Variants in SYBU observed in about 807,000 individuals in gnomAD.
SYBU encodes GOLSYN A protein.
A neutral mutation model predicts 35.9 loss-of-function variants in SYBU; 21 were observed. The observed-to-expected ratio is 0.58, with a 90% confidence interval of 0.41 to 0.84. The LOEUF (loss-of-function observed/expected upper bound fraction) is 0.84. SYBU is among the 40% of genes least tolerant of loss of function. SYBU has a pLI of 0.00. For synonymous variants in SYBU, 319 were observed against 324.3 expected, an observed-to-expected ratio of 0.98 and a Z score of 0.18; for missense variants, 768 against 848.2, an observed-to-expected ratio of 0.91 and a Z score of 1.17.
intron 3 of SYBU, among the ~76,000 whole-genome samples, chr8:109,587,376 AT>A (rs944794822): frequency 1.1e-4 from 17 of 152,294 alleles, no homozygotes; most frequent in Admixed American, 2.6e-4. Flanking sequence ...TAATCTCACT[AT>A]TTTACTATTG....
At position 109,578,051 on chromosome 8, in the gene SYBU, T is replaced by C. The variant is rs182204393; in HGVS notation, c.735-34A>G. On this transcript the variant is annotated intron_variant, in intron 5 of 6. Transcript: ENST00000276646. ...ATCCAAGTAATGAAATGTTACTTTT[T>C]GCCGTTTCCTTTTCTATAAAAAGAA... is the stretch of plus-strand genomic sequence containing the variant. 66 of 1,587,674 alleles carry C rather than the reference T, an allele frequency of 4.2e-5. No individual in the cohort carries two copies. In the African/African-American group the frequency reaches 7.2e-4, roughly 17 times the overall value.
chr8:109,599,644 C>G (rs1379867268), intron 3 of SYBU, among the ~76,000 whole-genome samples: 1 of 152,182 alleles, frequency 6.6e-6, no homozygotes, highest in Non-Finnish European at 1.5e-5. Flanking sequence ...CATTTCTCAC[C>G]CAGAATTACT....
intron 3 of SYBU, among the ~76,000 whole-genome samples, chr8:109,588,460 C>T (rs186378931): frequency 6.6e-6 from 1 of 152,190 alleles, no homozygotes; most frequent in African/African-American, 2.4e-5. Context: ...GATTAGAAGG[C>T]ACATTCGGGT....
At chr8:109,621,171 G>T (rs1180988298) in intron 2 of SYBU, among the ~76,000 whole-genome samples, 3 of 152,160 alleles carry the variant, frequency 2.0e-5, no homozygotes, top group African/African-American at 7.2e-5. Context: ...ACAATTTCCA[G>T]CATTGAGAAA....
intron 1 of SYBU, among the ~76,000 whole-genome samples, chr8:109,688,023 A>C (rs1292551521): frequency 6.6e-6 from 1 of 152,172 alleles, no homozygotes; most frequent in South Asian, 2.1e-4. Context: ...TCTCCTCATC[A>C]TCAGGTCCTG....
intron 1 of SYBU, among the ~76,000 whole-genome samples, chr8:109,660,268 A>G (rs1816512025): frequency 6.6e-6 from 1 of 152,200 alleles, no homozygotes. Flanking sequence ...GTTTTAACCA[A>G]TGGCTTCCAT....
At chr8:109,669,565 T>A (rs535071817) in intron 1 of SYBU, among the ~76,000 whole-genome samples, 1 of 152,308 alleles carries the variant, frequency 6.6e-6, no homozygotes, top group East Asian at 1.9e-4. Flanking sequence ...TGTTTTAATA[T>A]CTGGAGTGCA....
intron 1 of SYBU, among the ~76,000 whole-genome samples, chr8:109,660,297 T>C (rs1264498373): frequency 6.6e-6 from 1 of 152,220 alleles, no homozygotes; most frequent in Non-Finnish European, 1.5e-5. Context: ...TGTTGACAAG[T>C]TACAAGTTAT....
chr8:109,613,541 A>G (rs906101533), intron 3 of SYBU, among the ~76,000 whole-genome samples: 17 of 149,464 alleles, frequency 1.1e-4, no homozygotes, highest in African/African-American at 3.7e-4. Flanking sequence ...CCTCCCCCCC[A>G]CCCAATAACA....
At chr8:109,640,334 A>G (rs1439796371) in intron 2 of SYBU, among the ~76,000 whole-genome samples, 2 of 151,718 alleles carry the variant, frequency 1.3e-5, no homozygotes, top group African/African-American at 4.9e-5. Context: ...ATATTCTAAA[A>G]TATATTTGGG....
At chr8:109,636,449 T>A (rs983619728) in intron 2 of SYBU, among the ~76,000 whole-genome samples, 5 of 152,224 alleles carry the variant, frequency 3.3e-5, no homozygotes, top group African/African-American at 7.2e-5. Context: ...AGTAAAACAA[T>A]TGATTTTTCT....
intron 1 of SYBU, among the ~76,000 whole-genome samples, chr8:109,659,287 A>C (rs1452125581): frequency 6.6e-6 from 1 of 152,232 alleles, no homozygotes; most frequent in Non-Finnish European, 1.5e-5. Flanking sequence ...TGAGAAAATT[A>C]GCCAAAGGGA....
intron 2 of SYBU, among the ~76,000 whole-genome samples, chr8:109,634,234 A>G (rs565959090): frequency 1.3e-5 from 2 of 152,050 alleles, no homozygotes; most frequent in South Asian, 4.2e-4. Flanking sequence ...AACCTTCAAA[A>G]CCTTGCTTAT....
At chr8:109,608,638 A>C (rs1810840549) in intron 3 of SYBU, among the ~76,000 whole-genome samples, 2 of 152,228 alleles carry the variant, frequency 1.3e-5, no homozygotes, top group Non-Finnish European at 2.9e-5. Context: ...AAAGCTCTCC[A>C]TTATTTCAGA....
chr8:109,673,525 C>T (rs1817067129), intron 1 of SYBU, among the ~76,000 whole-genome samples: 1 of 152,172 alleles, frequency 6.6e-6, no homozygotes, highest in Non-Finnish European at 1.5e-5. Context: ...AAACACCATA[C>T]AAGAATCACC....
intron 2 of SYBU, among the ~76,000 whole-genome samples, chr8:109,622,580 T>C (rs1440121610): frequency 6.6e-6 from 1 of 152,176 alleles, no homozygotes; most frequent in Non-Finnish European, 1.5e-5. Flanking sequence ...CTGATGTTCT[T>C]TGGTTGTTTA....
intron 1 of SYBU, among the ~76,000 whole-genome samples, chr8:109,672,885 T>G (rs539907424): frequency 6.6e-6 from 1 of 152,264 alleles, no homozygotes; most frequent in East Asian, 1.9e-4. Flanking sequence ...AGTAGGTGAT[T>G]TTCCCCACAC....
intron 3 of SYBU, among the ~76,000 whole-genome samples, chr8:109,606,084 C>T (rs1826040837): frequency 6.6e-6 from 1 of 152,044 alleles, no homozygotes; most frequent in South Asian, 2.1e-4. Flanking sequence ...GAAACAAAAA[C>T]CACTACTGTA....
chr8:109,661,000 G>A (rs1816540231), intron 1 of SYBU, among the ~76,000 whole-genome samples: 1 of 152,136 alleles, frequency 6.6e-6, no homozygotes, highest in Non-Finnish European at 1.5e-5. Flanking sequence ...GAAGGTTGAG[G>A]CCACAGTGAT....
Sources: allele counts gnomAD v4.1 joint callset (sites outside exome capture counted in the v4.1 genomes callset), GRCh38; gene constraint gnomAD v4.1.1; transcripts MANE v1.5; gene names NCBI Gene and HGNC (gene_info 2026-07-23, HGNC 2026-07-21).